PLEKHA5: variants seen among roughly 807,000 people sequenced by gnomAD.
The protein encoded by PLEKHA5 is pleckstrin homology domain-containing family A member 5.
PLEKHA5 carries 55 observed loss-of-function variants against 181.9 expected under a neutral mutation model. That is an observed-to-expected ratio of 0.30 (90% CI 0.24 to 0.38). The LOEUF (loss-of-function observed/expected upper bound fraction) is 0.38, where lower values mean the gene tolerates loss of function less well. Among genes scored for constraint, PLEKHA5 ranks in the 10% least tolerant of loss-of-function variants. The pLI is 1.00. For synonymous variants in PLEKHA5, 535 were observed against 529.4 expected (o/e 1.01, Z -0.15); for missense variants, 1,432 against 1,549.5 (o/e 0.92, Z 1.27).
At chr12:19,366,552 G>A (rs1379396378) in intron 30 of PLEKHA5, among the ~76,000 whole-genome samples, 1 of 152,126 alleles carries the variant, frequency 6.6e-6, no homozygotes, top group Non-Finnish European at 1.5e-5. Flanking sequence ...TACTCAGGAG[G>A]CTGAGGCAGA....
At chr12:19,181,452 T>A (rs768875936) in intron 3 of PLEKHA5, among the ~76,000 whole-genome samples, 8 of 152,184 alleles carry the variant, frequency 5.3e-5, no homozygotes, top group Non-Finnish European at 1.0e-4. Flanking sequence ...AACATTAATG[T>A]GGCTGTATTG....
chr12:19,307,102 A>G, intron 15 of PLEKHA5: 5 of 1,034,760 alleles, frequency 4.8e-6, no homozygotes, highest in East Asian at 2.4e-5. Context: ...GCTTATGAGC[A>G]CTGTTGGTCC....
intron 3 of PLEKHA5, among the ~76,000 whole-genome samples, chr12:19,192,722 AAAAG>A (rs1283966656): frequency 6.6e-6 from 1 of 152,186 alleles, no homozygotes; most frequent in Non-Finnish European, 1.5e-5. Context: ...AATAAAAAAG[AAAAG>A]AATTTATTCT....
At chr12:19,273,930 C>T (rs2073822777) in intron 10 of PLEKHA5, among the ~76,000 whole-genome samples, 1 of 152,190 alleles carries the variant, frequency 6.6e-6, no homozygotes, top group African/African-American at 2.4e-5. Context: ...TGTACTTTGC[C>T]TGAAGACTCA....
At chr12:19,306,577 G>A (rs1251944888) in intron 15 of PLEKHA5, 10 of 794,246 alleles carry the variant, frequency 1.3e-5, no homozygotes, top group Non-Finnish European at 2.3e-5. Context: ...CCAGCACTGC[G>A]GATCCGGGCC....
rs753989750 is a variant in PLEKHA5, at chr12:19,283,761, AT to A, written c.1779+20del. On this transcript the variant is annotated intron_variant, in intron 12 of 31. Coordinates refer to ENST00000429027, the MANE Select transcript of PLEKHA5 (RefSeq NM_001256470.2). ...TCACCCTAAGGTAAAATAGCTGCTG[AT>A]TTTGTGTTAACTCACTACCTTATAA... is the stretch of plus-strand genomic sequence containing the variant. 6.6e-7 allele frequency: 1 copy of A among 1,521,766 alleles called. No homozygotes were observed. Among genetic ancestry groups the A allele is most frequent in the East Asian group, 2.3e-5 (1 of 44,360 alleles). 94.3% of individuals were successfully genotyped at this position (1,521,766 alleles called of 1,614,324 possible). A position where few individuals can be genotyped will look rare whatever the true frequency, so the allele number is the denominator to read the frequency against.
At chr12:19,323,139 A>T (rs2091311441) in intron 20 of PLEKHA5, among the ~76,000 whole-genome samples, 1 of 150,532 alleles carries the variant, frequency 6.6e-6, no homozygotes, top group Non-Finnish European at 1.5e-5. Context: ...CTGCGATTAC[A>T]GGTGTAAGCC....
Position 19,345,876 on chromosome 12 carries a change from G to A in PLEKHA5, c.2697G>A (p.Lys899=). ...MIGSKPFSTV[K]YKNEEEEVVP... is the part of the protein sequence containing the mutation. Reference sequence around the variant, plus strand: ...GATCAAAGCCTTTCTCAACAGTTAAGTACAAAAATGAGGTAAGTTTGGATT... The same window carrying A: ...GATCAAAGCCTTTCTCAACAGTTAAATACAAAAATGAGGTAAGTTTGGATT... Residue 899 remains lysine, a synonymous_variant, in exon 23 of 32, where the codon AAG becomes AAA. Coordinates refer to ENST00000429027, the MANE Select transcript of PLEKHA5 (RefSeq NM_001256470.2). The A allele has an allele frequency of 6.8e-7, 1 of 1,478,896 alleles. No homozygotes were observed. Among genetic ancestry groups the A allele is most frequent in the African/African-American group, 1.4e-5 (1 of 71,892 alleles). The allele number at this position is 1,478,896 out of a possible 1,614,324, so 91.6% of individuals were successfully genotyped here.
intron 30 of PLEKHA5, 80 bp from the exon 31 acceptor site, chr12:19,369,613 G>A: frequency 1.4e-6 from 1 of 725,882 alleles, no homozygotes. Flanking sequence ...TAATTTTTGT[G>A]GGATTACAGC....
intron 3 of PLEKHA5, among the ~76,000 whole-genome samples, chr12:19,144,230 A>G (rs919464160): frequency 6.6e-6 from 1 of 152,194 alleles, no homozygotes; most frequent in Non-Finnish European, 1.5e-5. Context: ...TGTCTACATA[A>G]ACAACTACCC....
intron 15 of PLEKHA5, chr12:19,306,418 C>T (rs1330739027): frequency 9.0e-6 from 5 of 558,086 alleles, no homozygotes; most frequent in East Asian, 4.7e-5. Context: ...GAAAAGGTGG[C>T]GACGGCGACT....
chr12:19,142,434 C>T (rs1381994840), intron 3 of PLEKHA5, among the ~76,000 whole-genome samples: 1 of 151,816 alleles, frequency 6.6e-6, no homozygotes. Flanking sequence ...GACATGATGA[C>T]AAAATTTTGA....
chr12:19,183,214 AGATAGAT>A (rs1433436545), intron 3 of PLEKHA5, among the ~76,000 whole-genome samples: 88 of 152,342 alleles, frequency 5.8e-4, no homozygotes, highest in African/African-American at 2.1e-3. Flanking sequence ...TTACATAGAT[AGATAGAT>A]GAGTATAAAT....
chr12:19,277,645 TTCA>T (rs2152755929), intron 11 of PLEKHA5, among the ~76,000 whole-genome samples: 1 of 152,326 alleles, frequency 6.6e-6, no homozygotes, highest in East Asian at 1.9e-4. Context: ...TGATATAAAC[TTCA>T]TCATAAAAAT....
chr12:19,265,981 T>C, intron 8 of PLEKHA5, 131 bp downstream of exon 8: 1 of 468,204 alleles, frequency 2.1e-6, no homozygotes, highest in Non-Finnish European at 3.8e-6. Context: ...TAATTAATGG[T>C]CTTATGGTTG....
intron 22 of PLEKHA5, 73 bp downstream of exon 22, chr12:19,343,507 C>CAT: frequency 1.2e-6 from 1 of 857,006 alleles, no homozygotes; most frequent in Non-Finnish European, 2.0e-6. Flanking sequence ...TGACAGATTA[C>CAT]ATTCTGAGAA....
intron 3 of PLEKHA5, among the ~76,000 whole-genome samples, chr12:19,198,589 T>C (rs1445884538): frequency 1.3e-5 from 2 of 152,222 alleles, no homozygotes; most frequent in African/African-American, 4.8e-5. Context: ...TTTACTGCTG[T>C]TATGTGTAAT....
Position 19,365,979 on chromosome 12 carries a change from A to G in PLEKHA5, c.3624A>G (p.Thr1208=). 1 of 1,610,194 alleles carries G rather than the reference A, an allele frequency of 6.2e-7. No individual in the cohort carries two copies. Among genetic ancestry groups the G allele is most frequent in the Non-Finnish European group, 8.5e-7 (1 of 1,178,952 alleles). The change falls in exon 30 of 32, where the codon ACA becomes ACG. Residue 1208 remains threonine (T), a synonymous_variant. Transcript: ENST00000429027. Reference sequence around the variant, plus strand: ...TTTTCATCAGCCCTCAAGATGAAACACAGACCGCAAATCATAAACCAGAAG... The same window carrying G: ...TTTTCATCAGCCCTCAAGATGAAACGCAGACCGCAAATCATAAACCAGAAG... The part of the protein sequence containing the change: ...EDVTFSPQDE[T]QTANHKPEEH...
chr12:19,263,727 A>G (rs1372657773), intron 7 of PLEKHA5, among the ~76,000 whole-genome samples: 1 of 152,172 alleles, frequency 6.6e-6, no homozygotes, highest in Non-Finnish European at 1.5e-5. Flanking sequence ...CCTACGAAGC[A>G]AATTTTGTGA....
Sources: gnomAD v4.1 joint callset for allele counts (sites outside exome capture counted in the v4.1 genomes callset) on GRCh38, gnomAD v4.1.1 for gene constraint, MANE v1.5 for transcripts, NCBI Gene and HGNC (gene_info 2026-07-23, HGNC 2026-07-21) for gene names.